Variants in CATSPERT observed in about 807,000 individuals in gnomAD.
CATSPERT encodes the protein catsper channel auxiliary subunit tau, also known as cation channel sperm-associated targeting subunit tau.
chr2:201,535,991 T>C, the CATSPERT span: 25 of 1,611,246 alleles, frequency 1.6e-5, no homozygotes, highest in Non-Finnish European at 2.1e-5. Flanking sequence ...TCCTGCTCTT[T>C]GGATTTATAC....
At chr2:201,589,392 G>C in the CATSPERT span, among the ~76,000 whole-genome samples, 1 of 152,002 alleles carries the variant, frequency 6.6e-6, no homozygotes, top group Non-Finnish European at 1.5e-5. Context: ...GCATGGTACT[G>C]GTACAAAAAC....
At chr2:201,575,322 C>A in the CATSPERT span, 1 of 1,589,086 alleles carries the variant, frequency 6.3e-7, no homozygotes. Flanking sequence ...AATGAAGCAC[C>A]CTTTCTAGAA....
At chr2:201,613,163 C>T in the CATSPERT span, among the ~76,000 whole-genome samples, 2 of 152,244 alleles carry the variant, frequency 1.3e-5, no homozygotes, top group Non-Finnish European at 2.9e-5. Context: ...GAAACTTCTA[C>T]AGACTTAAAC....
At chr2:201,604,362 T>G in the CATSPERT span, among the ~76,000 whole-genome samples, 22 of 152,274 alleles carry the variant, frequency 1.4e-4, no homozygotes, top group African/African-American at 5.3e-4. Context: ...AGCCTCAAGT[T>G]AATGTTTTAT....
At chr2:201,492,679 T>C in the CATSPERT span, 3 of 1,534,228 alleles carry the variant, frequency 2.0e-6, no homozygotes, top group Non-Finnish European at 2.6e-6. Flanking sequence ...CAAATGTTTA[T>C]CTATGAAATG....
At chr2:201,589,293 AC>A in the CATSPERT span, among the ~76,000 whole-genome samples, 3 of 151,988 alleles carry the variant, frequency 2.0e-5, no homozygotes, top group South Asian at 6.2e-4. Flanking sequence ...AGCCCAAATA[AC>A]CAAAGCAATC....
the CATSPERT span, among the ~76,000 whole-genome samples, chr2:201,540,176 GT>G: frequency 6.6e-6 from 1 of 152,180 alleles, no homozygotes; most frequent in African/African-American, 2.4e-5. Flanking sequence ...GGTTCGTGAG[GT>G]TTAAGGAAAG....
At chr2:201,568,411 C>G in the CATSPERT span, among the ~76,000 whole-genome samples, 1 of 152,278 alleles carries the variant, frequency 6.6e-6, no homozygotes, top group East Asian at 1.9e-4. Flanking sequence ...GTATTGCTCA[C>G]CTTGTCAGCC....
the CATSPERT span, among the ~76,000 whole-genome samples, chr2:201,533,393 C>A: frequency 6.6e-6 from 1 of 152,250 alleles, no homozygotes; most frequent in East Asian, 1.9e-4. Flanking sequence ...AGGGCAAGGC[C>A]AAGAACTTCA....
the CATSPERT span, chr2:201,619,123 G>T: frequency 3.1e-6 from 5 of 1,614,042 alleles, no homozygotes; most frequent in African/African-American, 6.7e-5. Context: ...CTCTTGGGGT[G>T]GCTCCATCTC....
the CATSPERT span, among the ~76,000 whole-genome samples, chr2:201,608,100 C>A: frequency 6.6e-6 from 1 of 152,188 alleles, no homozygotes; most frequent in African/African-American, 2.4e-5. Flanking sequence ...GCACCTACTA[C>A]CTGCTGGCTG....
chr2:201,549,469 T>C, the CATSPERT span, among the ~76,000 whole-genome samples: 155 of 152,188 alleles, frequency 1.0e-3, no homozygotes, highest in South Asian at 2.1e-3. Flanking sequence ...AAAAAGCCCA[T>C]ATACGTAGAA....
At chr2:201,517,617 C>G in the CATSPERT span, among the ~76,000 whole-genome samples, 1 of 152,218 alleles carries the variant, frequency 6.6e-6, no homozygotes, top group South Asian at 2.1e-4. Flanking sequence ...CCCTATTGAA[C>G]CAGCAATTTT....
the CATSPERT span, among the ~76,000 whole-genome samples, chr2:201,548,872 C>T: frequency 1.3e-5 from 2 of 152,188 alleles, no homozygotes; most frequent in Middle Eastern, 3.4e-3. Flanking sequence ...GGGCTTTTCT[C>T]GTTTCAGGAT....
chr2:201,500,439 G>A, the CATSPERT span, among the ~76,000 whole-genome samples: 97 of 152,212 alleles, frequency 6.4e-4, 1 homozygote, highest in Middle Eastern at 3.4e-3. Flanking sequence ...ACTTGAACCC[G>A]GGAGGTGGAG....
At chr2:201,521,041 T>C in the CATSPERT span, among the ~76,000 whole-genome samples, 1 of 151,796 alleles carries the variant, frequency 6.6e-6, no homozygotes, top group African/African-American at 2.4e-5. Flanking sequence ...CCTACCAAGA[T>C]TGAACCAAGA....
the CATSPERT span, among the ~76,000 whole-genome samples, chr2:201,506,149 C>A: frequency 1.2e-3 from 179 of 152,188 alleles, 1 homozygote; most frequent in Non-Finnish European, 4.4e-5. Flanking sequence ...CGCCTGTAGT[C>A]CCAGCTACTC....
chr2:201,547,571 T>A, the CATSPERT span: 6 of 1,549,368 alleles, frequency 3.9e-6, no homozygotes, highest in Non-Finnish European at 5.3e-6. Context: ...TATCTATCCA[T>A]GTATTCAGAT....
At chr2:201,536,023 C>G in the CATSPERT span, 14 of 1,612,920 alleles carry the variant, frequency 8.7e-6, no homozygotes, top group Admixed American at 1.7e-5. Context: ...AAATTTACCT[C>G]TGATAGAGAT....
Sources: gnomAD v4.1 joint callset for allele counts (sites outside exome capture counted in the v4.1 genomes callset) on GRCh38, gnomAD v4.1.1 for gene constraint, MANE v1.5 for transcripts, NCBI Gene and HGNC (gene_info 2026-07-23, HGNC 2026-07-21) for gene names.